Variants in EFHC1 observed in about 807,000 individuals in gnomAD.
The protein encoded by EFHC1 is EF-hand domain containing 1, also known as EF-hand domain-containing protein 1.
EFHC1 carries 53 observed loss-of-function variants against 69.9 expected under a neutral mutation model. The observed-to-expected ratio is 0.76, with a 90% CI of 0.61 to 0.95. The LOEUF is 0.95. Among genes scored for constraint, EFHC1 ranks in the 40% least tolerant of loss-of-function variants. The pLI is 0.00. For missense variants in EFHC1, 739 were observed against 798.7 expected, an observed-to-expected ratio of 0.93 and a Z score of 0.90; for synonymous variants, 256 against 278.4, an observed-to-expected ratio of 0.92 and a Z score of 0.80.
At chr6:52,432,115 G>A (rs1233891847) in intron 2 of EFHC1, among the ~76,000 whole-genome samples, 4 of 152,042 alleles carry the variant, frequency 2.6e-5, no homozygotes, top group Non-Finnish European at 4.4e-5. Flanking sequence ...TCTCTTGAAG[G>A]CAGCAGATGG....
intron 2 of EFHC1, among the ~76,000 whole-genome samples, chr6:52,431,711 A>C (rs1397079718): frequency 2.0e-5 from 3 of 152,080 alleles, no homozygotes. Flanking sequence ...AAATATATTA[A>C]GTCCATTTGT....
In EFHC1 at chr6:52,453,922, A is replaced by G. The variant is rs1581830740; in HGVS notation, c.724-173A>G. 8.8e-6 allele frequency: 13 copies of G among 1,481,566 alleles called. No homozygotes were observed. In the East Asian group the frequency reaches 3.6e-4, roughly 40 times the overall value. 91.8% of individuals were successfully genotyped at this position (1,481,566 alleles called of 1,614,324 possible). Reference sequence around the variant, plus strand: ...CTGCTGACATATAGTACATAATTTCAGATGTTTTAGTATGTTTGATGAATA... The same window carrying G: ...CTGCTGACATATAGTACATAATTTCGGATGTTTTAGTATGTTTGATGAATA... On this transcript the variant is annotated intron_variant, in intron 4 of 10. Transcript: ENST00000371068.
At chr6:52,490,054 T>G in intron 9 of EFHC1, 86 bp from the exon 10 acceptor site, 1 of 1,259,990 alleles carries the variant, frequency 7.9e-7, no homozygotes. Context: ...GCTTCCCTGA[T>G]TTCATCAAGT....
chr6:52,465,852 ATATC>A lies in EFHC1; in HGVS notation c.1137+745_1137+748del, dbSNP rs773961291. ...ATTATATATCTATATAATATATATA[ATATC>A]TATCTATATATATATTATAAATCAT... is the stretch of plus-strand genomic sequence containing the variant. On this transcript the variant is annotated intron_variant, in intron 6 of 10. Transcript: ENST00000371068. 1.6e-3 allele frequency among the ~76,000 whole-genome samples: 235 copies of A among 148,162 alleles called. 1 individual carries two copies. The highest frequency in any genetic ancestry group is 4.7e-3 in the Admixed American group (70 of 14,768).
intron 6 of EFHC1, among the ~76,000 whole-genome samples, chr6:52,467,033 G>A (rs1470753507): frequency 6.6e-6 from 1 of 151,990 alleles, no homozygotes; most frequent in Non-Finnish European, 1.5e-5. Flanking sequence ...GTACACAGGG[G>A]AAAATACCAT....
intron 3 of EFHC1, among the ~76,000 whole-genome samples, chr6:52,439,664 T>A (rs1012734436): frequency 1.5e-4 from 23 of 152,256 alleles, no homozygotes; most frequent in African/African-American, 4.3e-4. Flanking sequence ...GGAATGGAAG[T>A]TGAGGGGCTC....
At chr6:52,438,248 C>A (rs774629776) in intron 2 of EFHC1, 56 bp from the exon 3 acceptor site, 29 of 1,540,416 alleles carry the variant, frequency 1.9e-5, no homozygotes, top group Non-Finnish European at 2.5e-5. Flanking sequence ...TGATATTTTT[C>A]AGATGACTAT....
intron 2 of EFHC1, chr6:52,428,355 CCT>C (rs1554258185): frequency 2.0e-5 from 3 of 152,008 alleles, no homozygotes; most frequent in South Asian, 2.1e-4. Context: ...ACCCTTTCCC[CCT>C]GAGTCCCCAA....
chr6:52,470,956 T>C (rs967333617), intron 7 of EFHC1, among the ~76,000 whole-genome samples: 4 of 152,240 alleles, frequency 2.6e-5, no homozygotes, highest in Non-Finnish European at 5.9e-5. Context: ...CTAGCAATGA[T>C]AGACCAAATA....
intron 4 of EFHC1, chr6:52,453,606 T>G (rs1334674197): frequency 8.0e-7 from 1 of 1,255,270 alleles, no homozygotes; most frequent in South Asian, 1.4e-5. Context: ...ATTCCCACGA[T>G]TTGAAGAAGC....
At chr6:52,489,212 G>C (rs188832310) in intron 9 of EFHC1, 1 of 152,194 alleles carries the variant, frequency 6.6e-6, no homozygotes, top group African/African-American at 2.4e-5. Context: ...TTCAAGTTAC[G>C]GAAGGAGAGG....
At chr6:52,455,698 T>C (rs1765030339) in intron 5 of EFHC1, among the ~76,000 whole-genome samples, 1 of 152,148 alleles carries the variant, frequency 6.6e-6, no homozygotes, top group African/African-American at 2.4e-5. Flanking sequence ...GCAAGAAGTT[T>C]GTCTACATTA....
Position 52,454,145 on chromosome 6 carries a change from A to G in EFHC1, c.774A>G (p.Glu258=). Residue 258 remains glutamate, a synonymous_variant, in exon 5 of 11, where the codon GAA becomes GAG. Transcript: ENST00000371068. ...ATGATACAGACAGCATGTATGGTGAATGTCGGACCTACATCATTCATTACT... is the reference window on the plus strand; with the variant it reads ...ATGATACAGACAGCATGTATGGTGAGTGTCGGACCTACATCATTCATTACT... ...IWDDTDSMYG[E]CRTYIIHYYL... is the part of the protein sequence containing the mutation. 3.1e-6 allele frequency: 5 copies of G among 1,614,124 alleles called. No homozygotes were observed. The highest frequency in any genetic ancestry group is 4.2e-6 in the Non-Finnish European group (5 of 1,180,008).
chr6:52,457,619 C>T (rs3804504), intron 5 of EFHC1, among the ~76,000 whole-genome samples: 14,387 of 152,150 alleles, frequency 0.095, 1,142 homozygotes, highest in Admixed American at 0.26. Flanking sequence ...GTTATTTCTT[C>T]GTCAAGGGCA....
intron 2 of EFHC1, among the ~76,000 whole-genome samples, chr6:52,429,168 T>G (rs1764365404): frequency 6.6e-6 from 1 of 152,222 alleles, no homozygotes; most frequent in African/African-American, 2.4e-5. Flanking sequence ...TGACTGTTCC[T>G]TTTGCCGTGA....
intron 9 of EFHC1, chr6:52,487,528 C>T (rs1176838642): frequency 1.3e-5 from 2 of 152,238 alleles, no homozygotes; most frequent in African/African-American, 4.8e-5. Context: ...ACCAGCATCT[C>T]CCACTTTGTA....
intron 9 of EFHC1, chr6:52,481,504 A>ATCTCTCTCTCTCTCTCTC (rs60540358): frequency 2.9e-4 from 41 of 143,660 alleles, no homozygotes; most frequent in East Asian, 2.0e-3. Context: ...AGACTGCATG[A>ATCTCTCTCTCTCTCTCTC]TCTCTCTCTC....
At chr6:52,455,327 T>C (rs1019792392) in intron 5 of EFHC1, among the ~76,000 whole-genome samples, 2 of 152,134 alleles carry the variant, frequency 1.3e-5, no homozygotes, top group Non-Finnish European at 2.9e-5. Context: ...TTTTTCTTTT[T>C]ACTATATTTT....
rs748026322 is a variant in EFHC1, at chr6:52,424,138, A to ATTC, written c.257_259dup (p.Ile86_Pro87insLeu). On this transcript the variant is annotated inframe_insertion, in exon 2 of 11. Transcript: ENST00000371068. ...TAAACAAGCCCCACCTGCGGATTTT[A>ATTC]TTCCTGCGCATGTGGCCTTTGACAA... 6.8e-6 allele frequency: 11 copies of ATTC among 1,613,932 alleles called. No individual in the cohort carries two copies. Among genetic ancestry groups the ATTC allele is most frequent in the Admixed American group, 5.0e-5 (3 of 60,000 alleles).
Sources: gnomAD v4.1 joint callset for allele counts (sites outside exome capture counted in the v4.1 genomes callset) on GRCh38, gnomAD v4.1.1 for gene constraint, MANE v1.5 for transcripts, NCBI Gene and HGNC (gene_info 2026-07-23, HGNC 2026-07-21) for gene names.